ZNF385A: variants seen among roughly 807,000 people sequenced by gnomAD.
ZNF385A encodes the protein hematopoietic zinc finger protein.
A neutral mutation model predicts 32.1 loss-of-function variants in ZNF385A; 14 were observed. The ratio of observed to expected loss-of-function variants is 0.44; its 90% CI spans 0.29 to 0.68. The LOEUF (loss-of-function observed/expected upper bound fraction) is 0.68, where lower values mean the gene tolerates loss of function less well. Ranked by LOEUF, ZNF385A falls within the 30% of genes least tolerant of loss-of-function variation. The pLI is 0.14. For missense variants in ZNF385A, 406 were observed against 478.4 expected, an observed-to-expected ratio of 0.85 and a Z score of 1.41; for synonymous variants, 197 against 202.7, an observed-to-expected ratio of 0.97 and a Z score of 0.24.
chr12:54,374,781 G>A (rs1010849579), intron 2 of ZNF385A, among the ~76,000 whole-genome samples: 4 of 152,092 alleles, frequency 2.6e-5, no homozygotes, highest in Non-Finnish European at 5.9e-5. Context: ...GCTATCTGCT[G>A]TTGGCTCCCT....
chr12:54,384,967 G>A (rs537112105), upstream of ZNF385A: 91 of 983,558 alleles, frequency 9.3e-5, no homozygotes, highest in South Asian at 2.6e-3. Context: ...GCTTGGTATC[G>A]CCCCAGGAAG....
At chr12:54,388,293 C>T (rs528907461), upstream of ZNF385A, among the ~76,000 whole-genome samples, 1 of 152,314 alleles carries the variant, frequency 6.6e-6, no homozygotes, top group South Asian at 2.1e-4. Context: ...TGTCCATTTT[C>T]ACATCCTACT....
upstream of ZNF385A, among the ~76,000 whole-genome samples, chr12:54,387,206 A>C (rs1955512371): frequency 6.6e-6 from 1 of 152,206 alleles, no homozygotes. Context: ...ATAGAGGAAA[A>C]CAGGTAGCAG....
chr12:54,374,776 C>T (rs891943610), intron 2 of ZNF385A, among the ~76,000 whole-genome samples: 3 of 152,080 alleles, frequency 2.0e-5, no homozygotes, highest in Non-Finnish European at 4.4e-5. Context: ...GAAGGGCTAT[C>T]TGCTGTTGGC....
upstream of ZNF385A, among the ~76,000 whole-genome samples, chr12:54,386,205 CACACAG>C (rs58378482): frequency 0.02 from 2,961 of 149,734 alleles, 104 homozygotes; most frequent in African/African-American, 0.069. Flanking sequence ...CACACACACA[CACACAG>C]AGAGACGGAC....
Position 54,370,743 on chromosome 12 carries a change from G to A in ZNF385A, c.775-22C>T. On this transcript the variant is annotated intron_variant, in intron 5 of 6. Coordinates refer to ENST00000394313, the MANE Select transcript of ZNF385A (RefSeq NM_015481.3). The surrounding 1 kb of genome is among the most constrained non-coding windows in gnomAD (Gnocchi z 5.5). ...TGTGCTGCGGGGGCCAGTGGATAGGGGGCTGTGAGCTCCCGGAAAGGGGCA... is the reference window on the plus strand; with the variant it reads ...TGTGCTGCGGGGGCCAGTGGATAGGAGGCTGTGAGCTCCCGGAAAGGGGCA... The A allele has an allele frequency of 6.3e-7, 1 of 1,578,524 alleles. No homozygotes were observed. The highest frequency in any genetic ancestry group is 1.3e-5 in the African/African-American group (1 of 74,532).
Position 54,370,566 on chromosome 12 carries a change from T to C in ZNF385A, c.870+60A>G. On this transcript the variant is annotated intron_variant, in intron 6 of 6. Transcript: ENST00000394313. This position sits in a 1 kb window ranked among gnomAD's most constrained non-coding sequence, Gnocchi z 5.5. ...CACCTCTCCCTGGGCAAAGCCCGCGTCCCTCTCTCCTCCCCGCCCGCGCCC... is the reference window on the plus strand; with the variant it reads ...CACCTCTCCCTGGGCAAAGCCCGCGCCCCTCTCTCCTCCCCGCCCGCGCCC... The C allele has an allele frequency of 6.4e-7, 1 of 1,554,050 alleles. No homozygotes were observed. The highest frequency in any genetic ancestry group is 8.7e-7 in the Non-Finnish European group (1 of 1,148,278).
chr12:54,382,244 G>T (rs1284523135), intron 1 of ZNF385A, among the ~76,000 whole-genome samples: 6 of 148,054 alleles, frequency 4.1e-5, no homozygotes, highest in Admixed American at 2.0e-4. Flanking sequence ...GTTTTTTGTT[G>T]TTTTTTTTTT....
chr12:54,384,332 T>C (rs1592267452), intron 1 of ZNF385A, 96 bp downstream of exon 1: 2 of 1,377,614 alleles, frequency 1.5e-6, no homozygotes, highest in Non-Finnish European at 1.9e-6. Flanking sequence ...TAAGAGGAGA[T>C]AAGGAATTAG....
chr12:54,390,820 C>G (rs1955619416), intron 1 of ZNF385A, among the ~76,000 whole-genome samples: 1 of 151,786 alleles, frequency 6.6e-6, no homozygotes, highest in Admixed American at 6.6e-5. Flanking sequence ...AGAAGGATGT[C>G]GGAGTATCTA....
At chr12:54,389,970 G>C (rs1398124102) in intron 1 of ZNF385A, among the ~76,000 whole-genome samples, 1 of 152,092 alleles carries the variant, frequency 6.6e-6, no homozygotes, top group Admixed American at 6.5e-5. Flanking sequence ...AGGAGGAGGA[G>C]AGAAAAAGAG....
At chr12:54,380,591 G>A (rs1462306950) in intron 1 of ZNF385A, among the ~76,000 whole-genome samples, 1 of 152,124 alleles carries the variant, frequency 6.6e-6, no homozygotes, top group African/African-American at 2.4e-5. Context: ...AACTCTACAG[G>A]AACATATTTC....
chr12:54,376,626 G>A (rs1954862664), intron 1 of ZNF385A, among the ~76,000 whole-genome samples: 1 of 152,224 alleles, frequency 6.6e-6, no homozygotes, highest in Non-Finnish European at 1.5e-5. Flanking sequence ...AGGCAGCCCA[G>A]GGATCTTCTG....
At chr12:54,373,848 TGGGTGG>T in intron 3 of ZNF385A, 119 bp downstream of exon 3, 2 of 1,058,748 alleles carry the variant, frequency 1.9e-6, no homozygotes, top group Non-Finnish European at 2.5e-6. Flanking sequence ...GGACTCACCT[TGGGTGG>T]GGGTGGGGGT....
chr12:54,375,158 T>C (rs1954775276), intron 2 of ZNF385A, among the ~76,000 whole-genome samples: 1 of 152,100 alleles, frequency 6.6e-6, no homozygotes, highest in Non-Finnish European at 1.5e-5. Flanking sequence ...CTCTGCTGTT[T>C]TTCTCCAAAA....
At chr12:54,382,451 T>C (rs1452474290) in intron 1 of ZNF385A, among the ~76,000 whole-genome samples, 1 of 152,236 alleles carries the variant, frequency 6.6e-6, no homozygotes, top group Non-Finnish European at 1.5e-5. Flanking sequence ...GGTATAACGA[T>C]AAGTCTGTTT....
At chr12:54,384,817 C>CA, upstream of ZNF385A, 3 of 1,224,508 alleles carry the variant, frequency 2.4e-6, no homozygotes, top group Non-Finnish European at 3.1e-6. Flanking sequence ...CTCCCTCCCC[C>CA]AAACTCCTTA....
At chr12:54,374,481 C>T (rs768497595) in intron 2 of ZNF385A, among the ~76,000 whole-genome samples, 1 of 152,128 alleles carries the variant, frequency 6.6e-6, no homozygotes, top group Non-Finnish European at 1.5e-5. Context: ...GCCTAGCAAT[C>T]CAGTCAGTCA....
Position 54,371,089 on chromosome 12 carries a change from C to T in ZNF385A, c.612G>A (p.Lys204=), listed in dbSNP as rs753264739. 6.9e-6 allele frequency: 11 copies of T among 1,603,692 alleles called. No individual in the cohort carries two copies. The highest frequency in any genetic ancestry group is 9.4e-6 in the Non-Finnish European group (11 of 1,175,922). ...SQLEAHNKGT[K]HKTILEARSG... ...TTCGGGCCTCCAGAATTGTCTTGTG[C>T]TTAGTACCTGGAGCCCAGAGAGGGC... Residue 204 remains lysine, a synonymous_variant, in exon 5 of 7, where the codon AAG becomes AAA. Transcript: ENST00000394313.
Sources: allele counts gnomAD v4.1 joint callset (sites outside exome capture counted in the v4.1 genomes callset), GRCh38; gene constraint gnomAD v4.1.1; non-coding constraint Gnocchi (gnomAD v3.1); transcripts MANE v1.5; gene names NCBI Gene and HGNC (gene_info 2026-07-23, HGNC 2026-07-21).